Variants in ZNF841 observed in about 807,000 individuals in gnomAD.
ZNF841 encodes TCONS_00006091.
ZNF841 carries 11 observed loss-of-function variants against 13.0 expected under a neutral mutation model. The observed-to-expected ratio is 0.85, with a 90% CI of 0.53 to 1.40. ZNF841 has a LOEUF of 1.40. Ranked by LOEUF, ZNF841 falls within the 40% of genes most tolerant of loss-of-function variation. The pLI, the probability that ZNF841 is intolerant of heterozygous loss-of-function variation, is 0.00. For missense variants in ZNF841, 1,068 were observed against 1,139.5 expected (o/e 0.94, Z 0.90); for synonymous variants, 369 against 381.6 (o/e 0.97, Z 0.38).
intron 6 of ZNF841, among the ~76,000 whole-genome samples, chr19:52,073,059 C>T (rs1380784216): frequency 6.6e-6 from 1 of 152,050 alleles, no homozygotes; most frequent in Non-Finnish European, 1.5e-5. Flanking sequence ...AGCCACACAC[C>T]TACAACCAAC....
At chr19:52,095,327 C>A (rs542654148) in intron 1 of ZNF841, among the ~76,000 whole-genome samples, 1 of 152,144 alleles carries the variant, frequency 6.6e-6, no homozygotes, top group Admixed American at 6.5e-5. Flanking sequence ...GGAGAAGCGG[C>A]TCCTTCAGGA....
rs200386268 is a variant in ZNF841 at position 52,076,189 on chromosome 19, AAAG to A, written c.143-20_143-18del. The A allele has an allele frequency of 2.9e-3, 4,432 of 1,549,906 alleles. 107 individuals are homozygous for A. The African/African-American group carries it at 0.053, about 18-fold the overall frequency. On this transcript the variant is annotated intron_variant, in intron 5 of 6. Transcript: ENST00000594440. ...GACAGAGTCCTGCTTATAAAAAAAG[AAAG>A]AAGATGTCCCACGGTTTTTCCAGAA... is the stretch of plus-strand genomic sequence containing the variant.
rs1396830129 is a variant in ZNF841, at chr19:52,064,480, T to C, written c.*627A>G. On this transcript the variant is annotated 3_prime_UTR_variant, in exon 7 of 7. Transcript: ENST00000594440. ...TGAGGCTAGGTAATGTATAAAGAGG[T>C]TTAATTGACTCACAATTTTGCAGGC... 1 of 152,720 alleles carries C rather than the reference T, an allele frequency of 6.5e-6. No individual in the cohort carries two copies. The highest frequency in any genetic ancestry group is 1.5e-5 in the Non-Finnish European group (1 of 67,912). The allele number at this position is 152,720 out of a possible 1,614,324, so 9.5% of individuals were successfully genotyped here.
At position 52,077,052 on chromosome 19, in the gene ZNF841, TTCTACAGCCACATC is replaced by T. The variant is rs1376043055; in HGVS notation, c.34_47del (p.Asp12IlefsTer37). On this transcript the variant is annotated frameshift_variant, in exon 5 of 7. Transcript: ENST00000594440. LOFTEE classifies it high-confidence loss of function. Reference sequence around the variant, plus strand: ...GGCATTTCCACTCCTCCTGAGAGAATTCTACAGCCACATCCCTGAATGTCAAAGATCCCTGAAAT... The same window carrying T: ...GGCATTTCCACTCCTCCTGAGAGAATCCTGAATGTCAAAGATCCCTGAAAT... 1 of 1,612,716 alleles carries T rather than the reference TTCTACAGCCACATC, an allele frequency of 6.2e-7. No individual in the cohort carries two copies. The highest frequency in any genetic ancestry group is 2.2e-5 in the East Asian group (1 of 44,822).
intron 4 of ZNF841, among the ~76,000 whole-genome samples, chr19:52,083,892 G>A (rs1461013167): frequency 1.1e-4 from 17 of 149,428 alleles, no homozygotes; most frequent in Admixed American, 1.1e-3. Context: ...ATAATAACAC[G>A]TTATTCCCTA....
At chr19:52,068,654 CG>C (rs1224411779) in intron 6 of ZNF841, among the ~76,000 whole-genome samples, 2 of 142,052 alleles carry the variant, frequency 1.4e-5, no homozygotes, top group Non-Finnish European at 3.0e-5. Flanking sequence ...CCAGCCTGGG[CG>C]ACAGAGCAGT....
downstream of ZNF841, among the ~76,000 whole-genome samples, chr19:52,061,137 C>G (rs12459412): frequency 5.3e-5 from 8 of 152,150 alleles, no homozygotes; most frequent in African/African-American, 1.7e-4. Flanking sequence ...TTTGGGTCAC[C>G]TAATGAGCCC....
chr19:52,059,304 C>T, the ZNF841 span, among the ~76,000 whole-genome samples: 24 of 139,370 alleles, frequency 1.7e-4, no homozygotes, highest in African/African-American at 6.3e-4. Context: ...GAGCTGAGAT[C>T]GCGCCGCTGC....
Position 52,066,440 on chromosome 19 carries a change from C to G in ZNF841, c.1442G>C (p.Gly481Ala). Reference protein sequence around the residue: ...RLAGHRRIHTGEKPYKCNECG... With the variant: ...RLAGHRRIHTAEKPYKCNECG... Reference sequence around the variant, plus strand: ...TTCATTACATTTGTAGGGTTTCTCTCCAGTATGAATTCTCCGGTGCCCTGC... The same window carrying G: ...TTCATTACATTTGTAGGGTTTCTCTGCAGTATGAATTCTCCGGTGCCCTGC... The change falls in exon 7 of 7, where the codon GGA becomes GCA. Residue 481 changes from glycine (G) to alanine (A), a missense_variant. By Grantham distance (60) the Gly-to-Ala change is moderately conservative. Transcript: ENST00000594440. 6.2e-7 allele frequency: 1 copy of G among 1,614,002 alleles called. No homozygotes were observed. Among genetic ancestry groups the G allele is most frequent in the Non-Finnish European group, 8.5e-7 (1 of 1,179,952 alleles).
chr19:52,079,009 T>C (rs1040651639), intron 4 of ZNF841, among the ~76,000 whole-genome samples: 1 of 152,192 alleles, frequency 6.6e-6, no homozygotes, highest in African/African-American at 2.4e-5. Context: ...TTTAGCATGC[T>C]TGGGACAATG....
At chr19:52,079,738 T>C (rs1365655558) in intron 4 of ZNF841, among the ~76,000 whole-genome samples, 2 of 152,086 alleles carry the variant, frequency 1.3e-5, no homozygotes, top group Non-Finnish European at 2.9e-5. Flanking sequence ...ATACCTGTAA[T>C]TCCAGCACTT....
intron 4 of ZNF841, among the ~76,000 whole-genome samples, chr19:52,077,468 G>A (rs1039721098): frequency 2.0e-5 from 3 of 152,316 alleles, no homozygotes; most frequent in East Asian, 1.9e-4. Context: ...TAAAAACAGC[G>A]ATGACAAGAG....
intron 4 of ZNF841, among the ~76,000 whole-genome samples, chr19:52,080,301 G>T (rs2088055981): frequency 6.6e-6 from 1 of 152,276 alleles, no homozygotes; most frequent in East Asian, 1.9e-4. Context: ...ACAATTCATG[G>T]ACTAATTGCC....
chr19:52,088,409 G>A (rs889667618), intron 3 of ZNF841, among the ~76,000 whole-genome samples: 1 of 152,098 alleles, frequency 6.6e-6, no homozygotes, highest in Non-Finnish European at 1.5e-5. Flanking sequence ...CCCTAATTAA[G>A]AAAAAGGTAT....
chr19:52,059,594 T>TTAAGGTAATTA (rs2087364735), downstream of ZNF841, among the ~76,000 whole-genome samples: 1 of 151,686 alleles, frequency 6.6e-6, no homozygotes, highest in African/African-American at 2.4e-5. Flanking sequence ...ACATGCTAAT[T>TTAAGGTAATTA]ATACCTTAAA....
intron 6 of ZNF841, among the ~76,000 whole-genome samples, chr19:52,073,740 T>C (rs1441922285): frequency 2.6e-5 from 4 of 152,246 alleles, no homozygotes; most frequent in Non-Finnish European, 5.9e-5. Flanking sequence ...AGTTAGATTT[T>C]TAAATAATGA....
chr19:52,090,629 A>AGG (rs1260281399), intron 2 of ZNF841, among the ~76,000 whole-genome samples: 2 of 121,816 alleles, frequency 1.6e-5, no homozygotes, highest in South Asian at 3.2e-4. Flanking sequence ...GAAAGAAAGA[A>AGG]AGAAGGAAGG....
chr19:52,077,938 G>A (rs2087958704), intron 4 of ZNF841, among the ~76,000 whole-genome samples: 1 of 152,166 alleles, frequency 6.6e-6, no homozygotes, highest in South Asian at 2.1e-4. Context: ...ACAGTATACT[G>A]ACAGAGGGTT....
At chr19:52,094,832 C>T (rs1023073992) in intron 1 of ZNF841, among the ~76,000 whole-genome samples, 8 of 151,910 alleles carry the variant, frequency 5.3e-5, no homozygotes, top group Non-Finnish European at 1.2e-4. Context: ...ATTTTGCTGC[C>T]CTTCATCTCT....
Sources: allele counts gnomAD v4.1 joint callset (sites outside exome capture counted in the v4.1 genomes callset), GRCh38; gene constraint gnomAD v4.1.1; transcripts MANE v1.5; gene names NCBI Gene and HGNC (gene_info 2026-07-23, HGNC 2026-07-21).